The following ASPRV1 variants were observed in gnomAD, a reference collection of about 807,000 sequenced individuals.
The protein encoded by ASPRV1 is retroviral-like aspartic protease 1.
In ASPRV1, 7 loss-of-function variants were observed where a neutral mutation model predicts 11.0. That is an observed-to-expected ratio of 0.64 (90% CI 0.36 to 1.20). The LOEUF (loss-of-function observed/expected upper bound fraction) is 1.20, where lower values mean the gene tolerates loss of function less well. Ranked by LOEUF, ASPRV1 falls within the 50% of genes most tolerant of loss-of-function variation. The pLI, the probability that ASPRV1 is intolerant of heterozygous loss-of-function variation, is 0.02. For missense variants in ASPRV1, 299 were observed against 320.0 expected (o/e 0.93, Z 0.50); for synonymous variants, 136 against 138.4 (o/e 0.98, Z 0.12).
the ASPRV1 span, chr2:70,051,355 A>G: frequency 3.3e-5 from 5 of 152,354 alleles, no homozygotes; most frequent in South Asian, 8.3e-4. Context: ...TATTAAAAAC[A>G]TGGGAAAACA....
chr2:70,061,745 T>G, the ASPRV1 span, among the ~76,000 whole-genome samples: 1 of 151,184 alleles, frequency 6.6e-6, no homozygotes, highest in African/African-American at 2.4e-5. Context: ...GGTCAAGAGT[T>G]CAAGACTAGC....
the ASPRV1 span, among the ~76,000 whole-genome samples, chr2:70,060,520 T>A: frequency 0.013 from 1,952 of 151,652 alleles, 47 homozygotes; most frequent in African/African-American, 0.045. Context: ...AGGGCAAGAG[T>A]TGGGCATAGT....
the ASPRV1 span, among the ~76,000 whole-genome samples, chr2:70,033,076 G>C: frequency 8.8e-4 from 134 of 152,160 alleles, no homozygotes; most frequent in African/African-American, 3.1e-3. Context: ...CAAGTTCTAT[G>C]AGAAGTCCAA....
chr2:70,065,586 T>C, the ASPRV1 span, among the ~76,000 whole-genome samples: 1 of 151,596 alleles, frequency 6.6e-6, no homozygotes, highest in African/African-American at 2.4e-5. Context: ...AAGACCTGTC[T>C]GAAGAGATAG....
chr2:70,000,866 A>G, the ASPRV1 span, among the ~76,000 whole-genome samples: 4 of 151,758 alleles, frequency 2.6e-5, no homozygotes, highest in African/African-American at 9.7e-5. Context: ...CAGATAATTC[A>G]TCAGAAAGAA....
chr2:70,081,740 C>T, the ASPRV1 span, among the ~76,000 whole-genome samples: 6 of 152,034 alleles, frequency 3.9e-5, no homozygotes, highest in African/African-American at 1.2e-4. Flanking sequence ...CACGCCACCA[C>T]ACCCAGTTAA....
the ASPRV1 span, among the ~76,000 whole-genome samples, chr2:70,064,406 CACAGACAACAA>C: frequency 6.6e-6 from 1 of 151,608 alleles, no homozygotes; most frequent in East Asian, 1.9e-4. Context: ...TAGTGAAGGA[CACAGACAACAA>C]AATAATTACA....
chr2:69,963,767 G>A (rs1678226092), upstream of ASPRV1, among the ~76,000 whole-genome samples: 1 of 152,170 alleles, frequency 6.6e-6, no homozygotes, highest in African/African-American at 2.4e-5. Context: ...CTGGGAAGAA[G>A]ACCAGCTCCG....
upstream of ASPRV1, chr2:69,964,407 A>T (rs150006043): frequency 6.8e-6 from 3 of 438,210 alleles, no homozygotes; most frequent in Non-Finnish European, 1.4e-5. Context: ...CCTCTGGCCG[A>T]GTCTGGGAGT....
chr2:70,040,767 G>A, the ASPRV1 span, among the ~76,000 whole-genome samples: 1 of 151,526 alleles, frequency 6.6e-6, no homozygotes, highest in East Asian at 1.9e-4. Context: ...CCGGGAGGCA[G>A]AGGTTTCAGT....
At chr2:69,968,762 G>A in the ASPRV1 span, among the ~76,000 whole-genome samples, 1 of 152,204 alleles carries the variant, frequency 6.6e-6, no homozygotes, top group Non-Finnish European at 1.5e-5. Flanking sequence ...GCATGGGCCT[G>A]AGTCTTGGGC....
chr2:70,059,322 A>T, the ASPRV1 span, among the ~76,000 whole-genome samples: 1 of 147,194 alleles, frequency 6.8e-6, no homozygotes, highest in East Asian at 2.0e-4. Context: ...TCTGGGCTAC[A>T]TGTGCAGAAC....
the ASPRV1 span, chr2:69,937,184 C>T: frequency 6.2e-7 from 1 of 1,607,812 alleles, no homozygotes; most frequent in South Asian, 1.1e-5. Context: ...GGGCCATTGC[C>T]CATTTAGAGA....
the ASPRV1 span, chr2:69,988,329 CAGCCGTAAAA>C: frequency 6.3e-6 from 1 of 157,816 alleles, no homozygotes; most frequent in Non-Finnish European, 1.4e-5. Flanking sequence ...GAATATTATT[CAGCCGTAAAA>C]AGCAATGAAG....
At chr2:70,064,756 T>C in the ASPRV1 span, among the ~76,000 whole-genome samples, 2 of 152,308 alleles carry the variant, frequency 1.3e-5, no homozygotes, top group East Asian at 3.9e-4. Context: ...GTCAATAATG[T>C]GTCAGACATT....
chr2:70,082,772 C>CA, the ASPRV1 span, among the ~76,000 whole-genome samples: 2 of 152,202 alleles, frequency 1.3e-5, no homozygotes, highest in Admixed American at 1.3e-4. Flanking sequence ...CACACACCTG[C>CA]AGTCCCAGTT....
chr2:70,001,935 AC>A, the ASPRV1 span, among the ~76,000 whole-genome samples: 1 of 152,208 alleles, frequency 6.6e-6, no homozygotes, highest in African/African-American at 2.4e-5. Context: ...AAAAATGTTC[AC>A]AATGTATTGC....
Position 69,960,708 on chromosome 2 carries a change from G to A in ASPRV1, c.729C>T (p.Leu243=), listed in dbSNP as rs145887463. ...GSLEDEFDLE[L]IEEDPSSEEG... Reference sequence around the variant, plus strand: ...CTTCTGAGGAGGGGTCCTCCTCTATGAGCTCCAGGTCAAACTCATCTTCCA... The same window carrying A: ...CTTCTGAGGAGGGGTCCTCCTCTATAAGCTCCAGGTCAAACTCATCTTCCA... Residue 243 remains leucine, a synonymous_variant, in exon 1 of 1, where the codon CTC becomes CTT. Transcript: ENST00000320256. The A allele has an allele frequency of 6.2e-7, 1 of 1,613,964 alleles. No homozygotes were observed. The highest frequency in any genetic ancestry group is 1.3e-5 in the African/African-American group (1 of 74,888).
chr2:70,077,581 C>T, the ASPRV1 span, among the ~76,000 whole-genome samples: 4 of 152,206 alleles, frequency 2.6e-5, no homozygotes, highest in African/African-American at 9.7e-5. Context: ...CAGCCAGGCA[C>T]AGTGGCTCAC....
Sources: gnomAD v4.1 joint callset for allele counts (sites outside exome capture counted in the v4.1 genomes callset) on GRCh38, gnomAD v4.1.1 for gene constraint, MANE v1.5 for transcripts, NCBI Gene and HGNC (gene_info 2026-07-23, HGNC 2026-07-21) for gene names.